Variants in SF3B3 observed in about 807,000 individuals in gnomAD.
SF3B3 encodes SAP 130.
A neutral mutation model predicts 139.2 loss-of-function variants in SF3B3; 33 were observed. That is an observed-to-expected ratio of 0.24 (90% CI 0.18 to 0.32). The LOEUF (loss-of-function observed/expected upper bound fraction) is 0.32, where lower values mean the gene tolerates loss of function less well. SF3B3 is among the 10% of genes least tolerant of loss of function. The pLI, the probability that SF3B3 is intolerant of heterozygous loss-of-function variation, is 1.00. For missense variants in SF3B3, 818 were observed against 1,509.4 expected (o/e 0.54, Z 7.59); for synonymous variants, 596 against 563.6 (o/e 1.06, Z -0.81).
In SF3B3 at chr16:70,541,900, A is replaced by G. The variant is rs1029149647; in HGVS notation, c.1233+66A>G. On this transcript the variant is annotated intron_variant, in intron 9 of 25. Transcript: ENST00000302516. ...GTTAAACTGAGGTCTAGTCTAAGAA[A>G]TAGCTTTATTAGTATTTCCATGAAC... is the stretch of plus-strand genomic sequence containing the variant. 4 of 1,376,754 alleles carry G rather than the reference A, an allele frequency of 2.9e-6. No individual in the cohort carries two copies. In the African/African-American group the frequency reaches 5.8e-5, roughly 20 times the overall value. The allele number at this position is 1,376,754 out of a possible 1,614,324, so 85.3% of individuals were successfully genotyped here.
intron 16 of SF3B3, 156 bp from the exon 17 acceptor site, chr16:70,561,474 C>G: frequency 3.0e-6 from 2 of 658,220 alleles, no homozygotes; most frequent in South Asian, 1.9e-5. Context: ...GTGCCTCTCT[C>G]TAGCCCTCTT....
rs377373322 is a variant in SF3B3, at chr16:70,563,418, G to T, written c.2289-458G>T. On this transcript the variant is annotated intron_variant, in intron 17 of 25. Coordinates refer to ENST00000302516, the MANE Select transcript of SF3B3 (RefSeq NM_012426.5). The stretch of plus-strand genomic sequence containing the variant: ...TCTCTGTCCCATTTGACAGAAATTT[G>T]TAGGTCCCTTATTTGCTGTCTCTTG... Among the ~76,000 whole-genome samples, 43 of 152,296 alleles carry T rather than the reference G, an allele frequency of 2.8e-4. 4 individuals carry two copies. The highest frequency in any genetic ancestry group is 2.0e-3 in the Admixed American group (31 of 15,304).
intron 5 of SF3B3, among the ~76,000 whole-genome samples, chr16:70,534,943 G>A (rs1175913875): frequency 2.6e-5 from 4 of 152,208 alleles, no homozygotes; most frequent in African/African-American, 9.7e-5. Flanking sequence ...TGGGATTACA[G>A]GCATGAGCCA....
At chr16:70,547,783 G>C (rs1157292628) in intron 10 of SF3B3, among the ~76,000 whole-genome samples, 1 of 152,152 alleles carries the variant, frequency 6.6e-6, no homozygotes, top group Non-Finnish European at 1.5e-5. Flanking sequence ...GCAGAGACGG[G>C]TTTCACCGTG....
At position 70,565,246 on chromosome 16, in the gene SF3B3, T is replaced by C; in HGVS notation, c.2645T>C (p.Leu882Pro). Reference sequence around the variant, plus strand: ...GGGAACACACTGGACCTTGTCCAGCTGGAACAGAATGAGGCAGCTTTTAGG... The same window carrying C: ...GGGAACACACTGGACCTTGTCCAGCCGGAACAGAATGAGGCAGCTTTTAGG... ...IQGNTLDLVQ[L>P]EQNEAAFSVA... Residue 882 changes from leucine to proline, a missense_variant, in exon 19 of 26, where the codon CTG becomes CCG. By Grantham distance (98) the Leu-to-Pro change is moderately conservative (BLOSUM62 -3). Transcript: ENST00000302516. 1 of 1,614,202 alleles carries C rather than the reference T, an allele frequency of 6.2e-7. No individual in the cohort carries two copies. The highest frequency in any genetic ancestry group is 8.5e-7 in the Non-Finnish European group (1 of 1,180,038).
At chr16:70,553,660 G>C (rs768193131) in intron 11 of SF3B3, among the ~76,000 whole-genome samples, 1 of 151,018 alleles carries the variant, frequency 6.6e-6, no homozygotes, top group Non-Finnish European at 1.5e-5. Flanking sequence ...TGAGATACAT[G>C]GAAAATAGAT....
Position 70,568,339 on chromosome 16 carries a change from T to G in SF3B3, c.3009T>G (p.Ser1003=), listed in dbSNP as rs1283804314. The change falls in exon 22 of 26, where the codon TCT becomes TCG. Residue 1003 remains serine (S), a synonymous_variant. Coordinates refer to ENST00000302516, the MANE Select transcript of SF3B3 (RefSeq NM_012426.5). ...CTATCGGACATAGGGTAATTGTATC[T>G]GATGTCCAAGAAAGTTTCATCTGGG... The part of the protein sequence containing the change: ...IQTIGHRVIV[S]DVQESFIWVR... 6 of 1,613,696 alleles carry G rather than the reference T, an allele frequency of 3.7e-6. No homozygotes were observed. Among genetic ancestry groups the G allele is most frequent in the Non-Finnish European group, 5.1e-6 (6 of 1,179,680 alleles).
chr16:70,571,278 C>T, intron 25 of SF3B3, 79 bp downstream of exon 25: 1 of 1,078,666 alleles, frequency 9.3e-7, no homozygotes, highest in Non-Finnish European at 1.4e-6. Context: ...GGAATAGTAC[C>T]AGGGAGGGTG....
At chr16:70,552,726 A>T (rs2050339274) in intron 11 of SF3B3, among the ~76,000 whole-genome samples, 1 of 152,208 alleles carries the variant, frequency 6.6e-6, no homozygotes, top group African/African-American at 2.4e-5. Context: ...CCACCACAGT[A>T]GGTACATATA....
At position 70,560,512 on chromosome 16, in the gene SF3B3, A is replaced by T; in HGVS notation, c.2054A>T (p.Asp685Val). The T allele has an allele frequency of 6.2e-7, 1 of 1,613,804 alleles. No homozygotes were observed. Among genetic ancestry groups the T allele is most frequent in the Non-Finnish European group, 8.5e-7 (1 of 1,179,868 alleles). The change falls in exon 16 of 26, where the codon GAT (aspartate) becomes GTT (valine). Residue 685 changes from aspartate to valine, a missense_variant. Around this residue, in one of 14 missense-constraint regions of SF3B3, gnomAD observed 170 missense variants for 353.0 expected, o/e 0.48. Transcript: ENST00000302516. ...LRTVLDPVTG[D>V]LSDTRTRYLG... ...ACTGTCTTGGACCCTGTCACTGGGG[A>T]TTTGTCTGATACTCGCACTCGGTAC... is the stretch of plus-strand genomic sequence containing the variant.
At position 70,556,225 on chromosome 16, in the gene SF3B3, A is replaced by G. The variant is rs1181089228; in HGVS notation, c.1757A>G (p.Asp586Gly). The stretch of plus-strand genomic sequence containing the variant: ...ACAGAACGGAAGGAGATGTCAGCAG[A>G]TGTGGTGTGCATGAGTCTGGCCAAT... ...EYTERKEMSA[D>G]VVCMSLANVP... The change falls in exon 14 of 26, where the codon GAT becomes GGT. Residue 586 changes from aspartate to glycine, a missense_variant. Physicochemically the swap from Asp to Gly is moderately conservative, Grantham distance 94 (BLOSUM62 -1). Transcript: ENST00000302516. The G allele has an allele frequency of 6.2e-7, 1 of 1,614,162 alleles. No individual in the cohort carries two copies. The highest frequency in any genetic ancestry group is 2.2e-5 in the East Asian group (1 of 44,882).
At chr16:70,529,738 A>T (rs946995154) in intron 3 of SF3B3, 2 of 152,480 alleles carry the variant, frequency 1.3e-5, no homozygotes, top group African/African-American at 2.4e-5. Context: ...TATTAGGAAG[A>T]AGGGGGCCAC....
At chr16:70,525,254 T>G (rs2050047550) in intron 1 of SF3B3, among the ~76,000 whole-genome samples, 1 of 151,810 alleles carries the variant, frequency 6.6e-6, no homozygotes, top group Admixed American at 6.6e-5. Flanking sequence ...TCTCAATTCC[T>G]GACCTCAAGT....
intron 20 of SF3B3, among the ~76,000 whole-genome samples, chr16:70,567,051 C>CAAAA (rs112267243): frequency 8.4e-6 from 1 of 119,524 alleles, no homozygotes. Context: ...GACCCTGTCT[C>CAAAA]AAAAAAAAAA....
At chr16:70,570,989 T>A in intron 24 of SF3B3, 106 bp from the exon 25 acceptor site, 1 of 775,218 alleles carries the variant, frequency 1.3e-6, no homozygotes, top group Non-Finnish European at 2.3e-6. Context: ...ATTTCCCGTG[T>A]GTTTGTGTAG....
chr16:70,560,620 C>T (rs2050419813), intron 16 of SF3B3, 29 bp downstream of exon 16: 1 of 1,609,706 alleles, frequency 6.2e-7, no homozygotes, highest in Non-Finnish European at 8.5e-7. Flanking sequence ...GGACAGGCAA[C>T]ATCTTTGGGA....
chr16:70,548,836 G>C (rs922529080), intron 11 of SF3B3, among the ~76,000 whole-genome samples: 1 of 152,190 alleles, frequency 6.6e-6, no homozygotes, highest in Non-Finnish European at 1.5e-5. Flanking sequence ...CAGTGAAATT[G>C]AAGGTGGTGT....
rs188771195 is a variant in SF3B3, at chr16:70,572,023, A to T, written c.*210A>T. The T allele has an allele frequency of 1.5e-6, 1 of 682,664 alleles. No individual in the cohort carries two copies. Among genetic ancestry groups the T allele is most frequent in the Non-Finnish European group, 2.6e-6 (1 of 382,904 alleles). 42.3% of individuals were successfully genotyped at this position (682,664 alleles called of 1,614,324 possible). A position where few individuals can be genotyped will look rare whatever the true frequency, so the allele number is the denominator to read the frequency against. On this transcript the variant is annotated 3_prime_UTR_variant, in exon 26 of 26. Transcript: ENST00000302516. ...ACTGAGATTTGCTACACTTCTCCCCACCTGGTACATGATACATGACCCCAG... is the reference window on the plus strand; with the variant it reads ...ACTGAGATTTGCTACACTTCTCCCCTCCTGGTACATGATACATGACCCCAG...
rs566722178 is a variant in SF3B3, at chr16:70,537,989, A to G, written c.826-334A>G. 7.4e-6 allele frequency: 4 copies of G among 537,448 alleles called. No individual in the cohort carries two copies. In the African/African-American group the frequency reaches 7.6e-5, roughly 10 times the overall value. 33.3% of individuals were successfully genotyped at this position (537,448 alleles called of 1,614,324 possible). ...TTTGATGTAGAACAGGGTAATTTGGATGGAGCAGTGTTTCACAGCCTGAAA... is the reference window on the plus strand; with the variant it reads ...TTTGATGTAGAACAGGGTAATTTGGGTGGAGCAGTGTTTCACAGCCTGAAA... On this transcript the variant is annotated intron_variant, in intron 6 of 25. Transcript: ENST00000302516.
Sources: allele counts gnomAD v4.1 joint callset (sites outside exome capture counted in the v4.1 genomes callset), GRCh38; gene constraint gnomAD v4.1.1; regional missense constraint gnomAD v4.1.1; transcripts MANE v1.5; gene names NCBI Gene and HGNC (gene_info 2026-07-23, HGNC 2026-07-21).